Variants in STK38L observed in about 807,000 individuals in gnomAD.
STK38L encodes the protein serine/threonine-protein kinase 38-like.
In STK38L, 28 loss-of-function variants were observed where a neutral mutation model predicts 59.7. That is an observed-to-expected ratio of 0.47 (90% CI 0.35 to 0.64). The LOEUF is 0.64. Ranked by LOEUF, STK38L falls within the 30% of genes least tolerant of loss-of-function variation. The pLI, the probability that STK38L is intolerant of heterozygous loss-of-function variation, is 0.01. For synonymous variants in STK38L, 162 were observed against 176.8 expected, an observed-to-expected ratio of 0.92 and a Z score of 0.66; for missense variants, 314 against 555.8, an observed-to-expected ratio of 0.56 and a Z score of 4.37.
intron 1 of STK38L, among the ~76,000 whole-genome samples, 193 bp from the exon 2 acceptor site, chr12:27,297,517 G>C (rs1416891721): frequency 6.6e-6 from 1 of 152,130 alleles, no homozygotes; most frequent in East Asian, 1.9e-4. Context: ...ACCACAATAT[G>C]AATTTCTCTT....
At chr12:27,280,837 G>C (rs145913303) in intron 1 of STK38L, among the ~76,000 whole-genome samples, 1 of 152,330 alleles carries the variant, frequency 6.6e-6, no homozygotes, top group East Asian at 1.9e-4. Flanking sequence ...TCTTTAAAAA[G>C]CGTACAGAGC....
chr12:27,253,750 C>G (rs1046636327), intron 1 of STK38L, among the ~76,000 whole-genome samples: 1 of 152,160 alleles, frequency 6.6e-6, no homozygotes, highest in African/African-American at 2.4e-5. Context: ...GGCCGAGAAG[C>G]CTCAGGCGGG....
chr12:27,312,181 G>A (rs1944472408), intron 5 of STK38L, among the ~76,000 whole-genome samples: 1 of 152,038 alleles, frequency 6.6e-6, no homozygotes, highest in Non-Finnish European at 1.5e-5. Flanking sequence ...GCCCGGCCCT[G>A]CTTACTACTT....
chr12:27,317,976 C>G lies in STK38L; in HGVS notation c.1036C>G (p.Pro346Ala). 1 of 1,613,918 alleles carries G rather than the reference C, an allele frequency of 6.2e-7. No individual in the cohort carries two copies. Among genetic ancestry groups the G allele is most frequent in the South Asian group, 1.1e-5 (1 of 91,060 alleles). ...MNWKETLVFP[P>A]EVPISEKAKD... ...CTGGAAAGAAACTCTGGTATTTCCT[C>G]CAGAGGTACCTATATCTGAGAAAGC... The change falls in exon 11 of 14, where the codon CCA becomes GCA. Residue 346 changes from proline to alanine, a missense_variant. Pro to Ala is a conservative substitution (Grantham distance 27). This residue lies in a region of STK38L where 94 missense variants were observed against 142.2 expected (regional missense o/e 0.66). Transcript: ENST00000389032.
intron 1 of STK38L, among the ~76,000 whole-genome samples, chr12:27,290,023 A>G (rs1943861382): frequency 1.3e-5 from 2 of 152,362 alleles, no homozygotes; most frequent in South Asian, 4.1e-4. Flanking sequence ...AGGGATGAGC[A>G]GGAAGATTGA....
chr12:27,323,115 C>T lies in STK38L; in HGVS notation c.*660C>T, dbSNP rs1267493986. On this transcript the variant is annotated 3_prime_UTR_variant, in exon 14 of 14. Coordinates refer to ENST00000389032, the MANE Select transcript of STK38L (RefSeq NM_015000.4). ...TAAGGAAGACAAAGTTTAACACCTTCACTCAAGCACTCCACTAATATATTT... is the reference window on the plus strand; with the variant it reads ...TAAGGAAGACAAAGTTTAACACCTTTACTCAAGCACTCCACTAATATATTT... 5.3e-5 allele frequency: 8 copies of T among 152,218 alleles called. No individual in the cohort carries two copies. The highest frequency in any genetic ancestry group is 5.2e-4 in the Admixed American group (8 of 15,282). The allele number at this position is 152,218 out of a possible 1,614,324, so 9.4% of individuals were successfully genotyped here. A position where few individuals can be genotyped will look rare whatever the true frequency, so the allele number is the denominator to read the frequency against.
intron 1 of STK38L, among the ~76,000 whole-genome samples, chr12:27,284,336 C>T (rs907634793): frequency 6.6e-6 from 1 of 152,168 alleles, no homozygotes; most frequent in Non-Finnish European, 1.5e-5. Flanking sequence ...CCAAGGTTTT[C>T]CACCAAATAG....
intron 1 of STK38L, among the ~76,000 whole-genome samples, chr12:27,261,866 G>C (rs1422572472): frequency 6.6e-6 from 1 of 152,060 alleles, no homozygotes; most frequent in African/African-American, 2.4e-5. Flanking sequence ...TTTTATGTAG[G>C]GTTTACTATT....
intron 11 of STK38L, among the ~76,000 whole-genome samples, chr12:27,318,828 A>G (rs1314740437): frequency 6.6e-6 from 1 of 152,150 alleles, no homozygotes; most frequent in African/African-American, 2.4e-5. Context: ...CGTCTCTACT[A>G]AAAATACAAA....
intron 2 of STK38L, among the ~76,000 whole-genome samples, chr12:27,299,866 T>C (rs1944121457): frequency 6.6e-6 from 1 of 151,734 alleles, no homozygotes; most frequent in Non-Finnish European, 1.5e-5. Context: ...AAAAATGAAA[T>C]ACCAAAATAG....
At chr12:27,291,777 T>C (rs902374340) in intron 1 of STK38L, among the ~76,000 whole-genome samples, 2 of 152,230 alleles carry the variant, frequency 1.3e-5, no homozygotes, top group African/African-American at 4.8e-5. Context: ...GGCGAATTTT[T>C]ATACTACAAG....
At chr12:27,279,213 A>G (rs1943600452) in intron 1 of STK38L, among the ~76,000 whole-genome samples, 1 of 152,212 alleles carries the variant, frequency 6.6e-6, no homozygotes, top group South Asian at 2.1e-4. Context: ...ATGTTTTCAA[A>G]TTAGGATTGG....
chr12:27,256,677 G>A (rs1000682449), intron 1 of STK38L, among the ~76,000 whole-genome samples: 3 of 152,198 alleles, frequency 2.0e-5, no homozygotes, highest in Admixed American at 6.5e-5. Context: ...CCAGGCATAG[G>A]ACAGTGCTAA....
chr12:27,310,114 A>C (rs962717274), intron 5 of STK38L, among the ~76,000 whole-genome samples: 2 of 152,214 alleles, frequency 1.3e-5, no homozygotes, highest in Non-Finnish European at 2.9e-5. Context: ...ACCCATTGGC[A>C]TAGCTGGGTG....
At chr12:27,319,660 T>C (rs562680083) in intron 12 of STK38L, among the ~76,000 whole-genome samples, 8 of 152,350 alleles carry the variant, frequency 5.3e-5, no homozygotes, top group East Asian at 1.9e-4. Context: ...TAAATTCTTA[T>C]ATTCATATTC....
chr12:27,246,710 C>T (rs1754122294), intron 1 of STK38L, among the ~76,000 whole-genome samples: 1 of 151,604 alleles, frequency 6.6e-6, no homozygotes, highest in Non-Finnish European at 1.5e-5. Context: ...TTGTTTAAGT[C>T]TTAAGAAAGT....
intron 2 of STK38L, among the ~76,000 whole-genome samples, chr12:27,300,030 A>G (rs1944125685): frequency 6.6e-6 from 1 of 152,206 alleles, no homozygotes; most frequent in Non-Finnish European, 1.5e-5. Context: ...AAAAAAATTC[A>G]TCAGAATTTC....
At chr12:27,296,245 A>G (rs1468844914) in intron 1 of STK38L, among the ~76,000 whole-genome samples, 1 of 152,214 alleles carries the variant, frequency 6.6e-6, no homozygotes, top group Non-Finnish European at 1.5e-5. Flanking sequence ...GATCATATGT[A>G]GCTAATTTGA....
intron 1 of STK38L, among the ~76,000 whole-genome samples, chr12:27,273,870 G>A (rs1329769857): frequency 6.6e-6 from 1 of 152,142 alleles, no homozygotes; most frequent in Non-Finnish European, 1.5e-5. Context: ...AAACAATATT[G>A]CTGTTGTTTT....
Sources: allele counts gnomAD v4.1 joint callset (sites outside exome capture counted in the v4.1 genomes callset), GRCh38; gene constraint gnomAD v4.1.1; regional missense constraint gnomAD v4.1.1; transcripts MANE v1.5; gene names NCBI Gene and HGNC (gene_info 2026-07-23, HGNC 2026-07-21).